The following NAALADL2 variants were observed in gnomAD, a reference collection of about 807,000 sequenced individuals.
NAALADL2 encodes N-acetylated alpha-linked acidic dipeptidase like 2.
A neutral mutation model predicts 87.2 loss-of-function variants in NAALADL2; 76 were observed. The observed-to-expected ratio is 0.87, with a 90% confidence interval of 0.72 to 1.05. The LOEUF (loss-of-function observed/expected upper bound fraction) is 1.05. NAALADL2 is among the 50% of genes least tolerant of loss of function. NAALADL2 has a pLI of 0.00. For synonymous variants in NAALADL2, 354 were observed against 331.0 expected (o/e 1.07, Z -0.75); for missense variants, 1,089 against 945.8 (o/e 1.15, Z -1.99).
At chr3:174,804,023 C>A (rs565773016) in intron 3 of NAALADL2, among the ~76,000 whole-genome samples, 1 of 152,068 alleles carries the variant, frequency 6.6e-6, no homozygotes, top group East Asian at 1.9e-4. Context: ...ATGGTAGCTT[C>A]ATGGGGATAG....
intron 1 of NAALADL2, among the ~76,000 whole-genome samples, chr3:175,002,779 G>T (rs1748420173): frequency 6.6e-6 from 1 of 152,074 alleles, no homozygotes; most frequent in Admixed American, 6.6e-5. Context: ...TCACTGTTTT[G>T]GTATTATTGC....
chr3:174,848,938 G>A (rs570335197), intron 3 of NAALADL2, among the ~76,000 whole-genome samples: 29 of 152,248 alleles, frequency 1.9e-4, no homozygotes, highest in Admixed American at 4.6e-4. Context: ...AACCTGTAGA[G>A]CATATTACTA....
At chr3:174,468,669 C>G (rs1278955887) in intron 1 of NAALADL2, among the ~76,000 whole-genome samples, 2 of 151,722 alleles carry the variant, frequency 1.3e-5, no homozygotes, top group African/African-American at 2.4e-5. Context: ...GTGTGAGCCA[C>G]TGTGCCTGGT....
intron 3 of NAALADL2, among the ~76,000 whole-genome samples, chr3:175,255,115 G>A (rs1046564312): frequency 3.9e-5 from 6 of 151,946 alleles, no homozygotes; most frequent in African/African-American, 1.4e-4. Context: ...ATTACTCTGG[G>A]AGCCAAAGTA....
chr3:174,701,805 T>C (rs899538804), intron 2 of NAALADL2, among the ~76,000 whole-genome samples: 2 of 152,174 alleles, frequency 1.3e-5, no homozygotes, highest in East Asian at 1.9e-4. Context: ...TAGTGTTCCA[T>C]TGGAAGGGTA....
intron 11 of NAALADL2, among the ~76,000 whole-genome samples, chr3:175,690,356 G>A (rs923458174): frequency 6.6e-6 from 1 of 152,054 alleles, no homozygotes; most frequent in Admixed American, 6.6e-5. Context: ...CACATCGTAA[G>A]AGGGTCAGAA....
chr3:175,131,905 G>C, intron 2 of NAALADL2, among the ~76,000 whole-genome samples: 1 of 109,128 alleles, frequency 9.2e-6, no homozygotes, highest in Non-Finnish European at 1.9e-5. Context: ...CGGGGCGGCT[G>C]GCCGGGCAGA....
chr3:174,448,085 T>A (rs918627669), intron 1 of NAALADL2, among the ~76,000 whole-genome samples: 23 of 152,312 alleles, frequency 1.5e-4, no homozygotes, highest in African/African-American at 5.5e-4. Flanking sequence ...GGCATTGAGA[T>A]ATGATTTCTG....
intron 1 of NAALADL2, 29 bp from the exon 2 acceptor site, chr3:175,096,761 A>C (rs2108369863): frequency 1.5e-6 from 2 of 1,365,010 alleles, no homozygotes; most frequent in East Asian, 5.1e-5. Flanking sequence ...TGTTTATTTT[A>C]TTAAAATATA....
At chr3:174,833,775 G>C (rs1223523235) in intron 3 of NAALADL2, among the ~76,000 whole-genome samples, 1 of 151,576 alleles carries the variant, frequency 6.6e-6, no homozygotes, top group East Asian at 1.9e-4. Flanking sequence ...AATTTAAAAT[G>C]TATATTGAGA....
chr3:175,323,597 T>C (rs913334451), intron 4 of NAALADL2, among the ~76,000 whole-genome samples: 3 of 149,658 alleles, frequency 2.0e-5, no homozygotes, highest in South Asian at 2.1e-4. Context: ...ATTCCATGAA[T>C]AGACAATTGA....
At chr3:174,984,736 G>A (rs1745605591) in intron 1 of NAALADL2, among the ~76,000 whole-genome samples, 1 of 152,128 alleles carries the variant, frequency 6.6e-6, no homozygotes, top group African/African-American at 2.4e-5. Flanking sequence ...AAGTAAACTT[G>A]AAGAAGGTAA....
At chr3:175,217,392 A>AT (rs1742717960) in intron 2 of NAALADL2, among the ~76,000 whole-genome samples, 1 of 152,158 alleles carries the variant, frequency 6.6e-6, no homozygotes, top group Non-Finnish European at 1.5e-5. Context: ...GCTTTGTACC[A>AT]CTTCCTTGCT....
intron 2 of NAALADL2, among the ~76,000 whole-genome samples, chr3:174,643,648 C>T (rs922711864): frequency 5.9e-5 from 9 of 151,984 alleles, no homozygotes; most frequent in African/African-American, 2.2e-4. Flanking sequence ...AGCTAGACTC[C>T]CTCTCAAAAA....
At chr3:174,732,065 C>G (rs960531093) in intron 2 of NAALADL2, among the ~76,000 whole-genome samples, 1 of 152,210 alleles carries the variant, frequency 6.6e-6, no homozygotes, top group South Asian at 2.1e-4. Flanking sequence ...GGCTGATAGA[C>G]CATAGTTTGC....
Position 175,734,645 on chromosome 3 carries a change from G to A in NAALADL2, c.1897-2661G>A, listed in dbSNP as rs374637078. Among the ~76,000 whole-genome samples, 17 of 152,328 alleles carry A rather than the reference G, an allele frequency of 1.1e-4. No individual in the cohort carries two copies. The East Asian group carries it at 2.9e-3, about 26-fold the overall frequency. ...CCCACAGGATCAATACCATGTGGAA[G>A]CTACCAAGACTTGGGGCTTCCACCC... On this transcript the variant is annotated intron_variant, in intron 11 of 13. Transcript: ENST00000454872.
chr3:175,305,145 T>C (rs574389629), intron 4 of NAALADL2, among the ~76,000 whole-genome samples: 3 of 152,164 alleles, frequency 2.0e-5, no homozygotes, highest in Non-Finnish European at 4.4e-5. Context: ...ATAAATAATA[T>C]GGTCAATAAG....
intron 2 of NAALADL2, among the ~76,000 whole-genome samples, chr3:174,593,689 G>T (rs1426293303): frequency 6.6e-6 from 1 of 152,088 alleles, no homozygotes; most frequent in Non-Finnish European, 1.5e-5. Flanking sequence ...AGAAATCCTT[G>T]TATATAGCCT....
intron 9 of NAALADL2, among the ~76,000 whole-genome samples, chr3:175,553,674 G>T (rs1178360241): frequency 6.6e-6 from 1 of 150,394 alleles, no homozygotes; most frequent in Non-Finnish European, 1.5e-5. Context: ...AATTCCAGAG[G>T]CTATTCCCAG....
Sources: allele counts gnomAD v4.1 joint callset (sites outside exome capture counted in the v4.1 genomes callset), GRCh38; gene constraint gnomAD v4.1.1; transcripts MANE v1.5; gene names NCBI Gene and HGNC (gene_info 2026-07-23, HGNC 2026-07-21).